PRELID2: variants seen among roughly 807,000 people sequenced by gnomAD.
The protein encoded by PRELID2 is PRELI domain containing 2.
Under a neutral mutation model 28.4 loss-of-function variants are expected in PRELID2, and 25 were observed. The observed-to-expected ratio is 0.88, with a 90% confidence interval of 0.64 to 1.23. The LOEUF (loss-of-function observed/expected upper bound fraction) is 1.23. Ranked by LOEUF, PRELID2 falls within the 50% of genes most tolerant of loss-of-function variation. The pLI is 0.00. For missense variants in PRELID2, 201 were observed against 214.4 expected, an observed-to-expected ratio of 0.94 and a Z score of 0.39; for synonymous variants, 76 against 71.6, an observed-to-expected ratio of 1.06 and a Z score of -0.31.
At chr5:145,288,132 G>A in the PRELID2 span, among the ~76,000 whole-genome samples, 4 of 152,066 alleles carry the variant, frequency 2.6e-5, no homozygotes, top group Admixed American at 2.6e-4. Flanking sequence ...TTCCTACACT[G>A]TAAAGTTACT....
intron 1 of PRELID2, among the ~76,000 whole-genome samples, chr5:145,481,764 A>G (rs1389860854): frequency 1.3e-5 from 2 of 152,112 alleles, no homozygotes; most frequent in Non-Finnish European, 2.9e-5. Flanking sequence ...ATTTCAACAA[A>G]CATCAGAATG....
At chr5:145,583,548 T>A (rs930923951) in intron 1 of PRELID2, among the ~76,000 whole-genome samples, 4 of 152,134 alleles carry the variant, frequency 2.6e-5, no homozygotes, top group African/African-American at 9.7e-5. Context: ...AACCCTATCA[T>A]CTCAGCCCAA....
chr5:145,788,371 T>C (rs1752138090), intron 5 of PRELID2, among the ~76,000 whole-genome samples: 1 of 152,224 alleles, frequency 6.6e-6, no homozygotes. Flanking sequence ...CTATCTTCTA[T>C]TGGCCACCAC....
chr5:145,363,070 AAAC>A, the PRELID2 span, among the ~76,000 whole-genome samples: 13 of 151,680 alleles, frequency 8.6e-5, no homozygotes, highest in Admixed American at 5.9e-4. Flanking sequence ...AAAAAAAAAA[AAAC>A]AAGGCCTGCA....
At chr5:145,688,162 C>G (rs1755073297) in intron 1 of PRELID2, among the ~76,000 whole-genome samples, 1 of 152,210 alleles carries the variant, frequency 6.6e-6, no homozygotes, top group Admixed American at 6.5e-5. Context: ...CCTGGTGAAT[C>G]AGTAGCTGAT....
chr5:145,580,961 C>T lies in PRELID2; in HGVS notation n.71-107646G>A, dbSNP rs138616718. ...GAATAAAATCTCAATATTCTGAGTA[C>T]GAATTACAAAGCCTTCTATAATCTG... On this transcript the variant is annotated intron_variant and non_coding_transcript_variant, in intron 1 of 2. Transcript: ENST00000510259. 5.1e-3 allele frequency among the ~76,000 whole-genome samples: 772 copies of T among 152,082 alleles called. 8 individuals carry two copies. The highest frequency in any genetic ancestry group is 0.018 in the African/African-American group (727 of 41,514).
At chr5:145,422,652 T>C in the PRELID2 span, among the ~76,000 whole-genome samples, 1 of 152,144 alleles carries the variant, frequency 6.6e-6, no homozygotes, top group Non-Finnish European at 1.5e-5. Flanking sequence ...ATGGGTTTCC[T>C]GAATACAGCA....
intron 2 of PRELID2, 55 bp from the exon 3 acceptor site, chr5:145,820,073 T>A: frequency 9.1e-7 from 1 of 1,097,134 alleles, no homozygotes; most frequent in Non-Finnish European, 1.4e-6. Flanking sequence ...GTTCTTTTCT[T>A]AGTGTCAATA....
the PRELID2 span, among the ~76,000 whole-genome samples, chr5:145,448,620 A>G: frequency 6.6e-6 from 1 of 152,178 alleles, no homozygotes; most frequent in Non-Finnish European, 1.5e-5. Context: ...GATCAGTTCA[A>G]CAAGAAGAGC....
chr5:145,640,298 C>A (rs1486404280), intron 1 of PRELID2, among the ~76,000 whole-genome samples: 1 of 151,870 alleles, frequency 6.6e-6, no homozygotes, highest in African/African-American at 2.4e-5. Flanking sequence ...CACGGTGAAA[C>A]CCCGTCTCTA....
At chr5:145,591,872 T>C (rs1753233702) in intron 1 of PRELID2, among the ~76,000 whole-genome samples, 1 of 152,170 alleles carries the variant, frequency 6.6e-6, no homozygotes. Flanking sequence ...TTCCTCAGCT[T>C]GATGTTAATG....
intron 5 of PRELID2, among the ~76,000 whole-genome samples, chr5:145,770,499 C>T (rs1027768428): frequency 1.3e-5 from 2 of 152,050 alleles, no homozygotes; most frequent in Non-Finnish European, 2.9e-5. Context: ...GTGAGAGACC[C>T]TGTCTCTGAA....
the PRELID2 span, among the ~76,000 whole-genome samples, chr5:145,231,232 T>C: frequency 6.6e-6 from 1 of 152,268 alleles, no homozygotes; most frequent in East Asian, 1.9e-4. Flanking sequence ...TTTTATTTTT[T>C]GTCATGACTT....
intron 1 of PRELID2, among the ~76,000 whole-genome samples, chr5:145,496,288 A>G (rs564978242): frequency 7.0e-4 from 107 of 152,300 alleles, no homozygotes; most frequent in African/African-American, 2.1e-3. Flanking sequence ...AGGCAGTTAG[A>G]TATCTGAACT....
intron 1 of PRELID2, among the ~76,000 whole-genome samples, chr5:145,587,950 C>T (rs1315959367): frequency 2.6e-5 from 4 of 152,150 alleles, no homozygotes; most frequent in East Asian, 3.9e-4. Flanking sequence ...TTCTGGCAGC[C>T]ACCACTTAGA....
intron 1 of PRELID2, among the ~76,000 whole-genome samples, chr5:145,693,900 G>A (rs1179302641): frequency 6.6e-6 from 1 of 152,208 alleles, no homozygotes; most frequent in East Asian, 1.9e-4. Context: ...TCTTGATATA[G>A]TGATAGGGAG....
chr5:145,548,920 C>T (rs1255477504), intron 1 of PRELID2, among the ~76,000 whole-genome samples: 1 of 152,194 alleles, frequency 6.6e-6, no homozygotes, highest in East Asian at 1.9e-4. Flanking sequence ...CCACATCTGC[C>T]ACTCATTTGT....
the PRELID2 span, among the ~76,000 whole-genome samples, chr5:145,291,749 T>C: frequency 2.0e-5 from 3 of 152,342 alleles, no homozygotes; most frequent in South Asian, 2.1e-4. Context: ...AGAAATTGTA[T>C]AGATTTTTAT....
At chr5:145,764,836 G>A (rs892338722) in intron 6 of PRELID2, 95 bp downstream of exon 6, 18 of 827,192 alleles carry the variant, frequency 2.2e-5, no homozygotes, top group African/African-American at 1.0e-4. Context: ...AATGTGCAGC[G>A]TGAATAGCCC....
Sources: allele counts gnomAD v4.1 joint callset (sites outside exome capture counted in the v4.1 genomes callset), GRCh38; gene constraint gnomAD v4.1.1; transcripts MANE v1.5; gene names NCBI Gene and HGNC (gene_info 2026-07-23, HGNC 2026-07-21).